Variants in SYNDIG1 observed in about 807,000 individuals in gnomAD.
The protein encoded by SYNDIG1 is synapse differentiation inducing 1, also known as synapse differentiation-inducing gene protein 1.
SYNDIG1 carries 9 observed loss-of-function variants against 19.4 expected under a neutral mutation model. The observed-to-expected ratio is 0.46, with a 90% CI of 0.28 to 0.81. The LOEUF (loss-of-function observed/expected upper bound fraction) is 0.81. Ranked by LOEUF, SYNDIG1 falls within the 30% of genes least tolerant of loss-of-function variation. SYNDIG1 has a pLI of 0.12. For synonymous variants in SYNDIG1, 141 were observed against 145.9 expected (o/e 0.97, Z 0.24); for missense variants, 311 against 343.3 (o/e 0.91, Z 0.74).
At chr20:24,470,212 C>G (rs939163890) in intron 1 of SYNDIG1, among the ~76,000 whole-genome samples, 1 of 152,148 alleles carries the variant, frequency 6.6e-6, no homozygotes, top group Non-Finnish European at 1.5e-5. Flanking sequence ...CGGAGTGACC[C>G]GAAGGAGACC....
intron 1 of SYNDIG1, among the ~76,000 whole-genome samples, chr20:24,483,664 C>G (rs1048461767): frequency 2.0e-5 from 3 of 152,266 alleles, no homozygotes; most frequent in Non-Finnish European, 4.4e-5. Flanking sequence ...GGCTGACCGT[C>G]TTGGCTCTAA....
intron 1 of SYNDIG1, among the ~76,000 whole-genome samples, chr20:24,487,783 C>T (rs1036278489): frequency 1.3e-5 from 2 of 152,184 alleles, no homozygotes; most frequent in African/African-American, 4.8e-5. Flanking sequence ...GGCACTGTGA[C>T]ATTGCCACAG....
At chr20:24,488,297 C>G (rs1423361256) in intron 1 of SYNDIG1, among the ~76,000 whole-genome samples, 3 of 152,250 alleles carry the variant, frequency 2.0e-5, no homozygotes, top group African/African-American at 7.2e-5. Flanking sequence ...ATGCGAGGCA[C>G]TGCATTCACA....
At chr20:24,627,171 G>GAGCGAGAGCGAC (rs2059161541) in intron 3 of SYNDIG1, among the ~76,000 whole-genome samples, 1 of 151,338 alleles carries the variant, frequency 6.6e-6, no homozygotes, top group African/African-American at 2.4e-5. Flanking sequence ...GCGAGAGCGA[G>GAGCGAGAGCGAC]AGCGAGAGCG....
intron 1 of SYNDIG1, among the ~76,000 whole-genome samples, chr20:24,479,862 TCCTGTCA>T (rs1469527905): frequency 8.5e-5 from 13 of 152,238 alleles, no homozygotes; most frequent in African/African-American, 3.1e-4. Flanking sequence ...GGCAAGGCTG[TCCTGTCA>T]GTCCCTGTTC....
At chr20:24,519,302 A>G (rs1318995355) in intron 1 of SYNDIG1, among the ~76,000 whole-genome samples, 2 of 152,212 alleles carry the variant, frequency 1.3e-5, no homozygotes, top group East Asian at 3.8e-4. Flanking sequence ...GTGCTTCCAT[A>G]TTGAAGAAGC....
chr20:24,472,640 GC>G (rs910304096), intron 1 of SYNDIG1, among the ~76,000 whole-genome samples: 9 of 152,236 alleles, frequency 5.9e-5, no homozygotes, highest in African/African-American at 2.2e-4. Flanking sequence ...CACCTGCTCT[GC>G]CCTCTGAAAA....
At chr20:24,522,487 G>A (rs2057026207) in intron 1 of SYNDIG1, among the ~76,000 whole-genome samples, 1 of 152,166 alleles carries the variant, frequency 6.6e-6, no homozygotes, top group African/African-American at 2.4e-5. Flanking sequence ...TTAGAATTTA[G>A]TTCACTTACA....
intron 3 of SYNDIG1, among the ~76,000 whole-genome samples, chr20:24,587,453 GC>G (rs1406609505): frequency 6.6e-6 from 1 of 152,222 alleles, no homozygotes; most frequent in Non-Finnish European, 1.5e-5. Context: ...GAAACAAGCA[GC>G]CCTGCACAGG....
At chr20:24,509,064 T>C (rs2056676734) in intron 1 of SYNDIG1, among the ~76,000 whole-genome samples, 1 of 152,186 alleles carries the variant, frequency 6.6e-6, no homozygotes, top group Non-Finnish European at 1.5e-5. Flanking sequence ...GAGCATTGGT[T>C]TACTGTTTGA....
intron 2 of SYNDIG1, among the ~76,000 whole-genome samples, chr20:24,552,128 G>A (rs2057716931): frequency 1.3e-5 from 2 of 152,236 alleles, no homozygotes; most frequent in South Asian, 2.1e-4. Flanking sequence ...TACTTCATGT[G>A]TTTTGGGGCT....
At chr20:24,567,723 C>T (rs979324340) in intron 2 of SYNDIG1, among the ~76,000 whole-genome samples, 2 of 152,244 alleles carry the variant, frequency 1.3e-5, no homozygotes, top group Non-Finnish European at 2.9e-5. Context: ...TCCCTGAAAA[C>T]TCAGGAGGCT....
intron 3 of SYNDIG1, among the ~76,000 whole-genome samples, chr20:24,649,430 C>G (rs947394652): frequency 3.3e-5 from 5 of 152,162 alleles, no homozygotes; most frequent in African/African-American, 1.2e-4. Context: ...AGTGCTGGAT[C>G]CATTTATAGT....
rs546383579 is a variant in SYNDIG1, at chr20:24,555,983, G to A, written c.480+12406G>A. 1.6e-4 allele frequency among the ~76,000 whole-genome samples: 24 copies of A among 152,242 alleles called. 1 individual carries two copies. In the South Asian group the frequency reaches 5.0e-3, roughly 32 times the overall value. On this transcript the variant is annotated intron_variant, in intron 2 of 3. Coordinates refer to ENST00000376862, the MANE Select transcript of SYNDIG1 (RefSeq NM_024893.3). Reference sequence around the variant, plus strand: ...CTCAGGACTTGCTTTATGAATCTGGGTGCTCCTCTATTGGGTGCATATATA... The same window carrying A: ...CTCAGGACTTGCTTTATGAATCTGGATGCTCCTCTATTGGGTGCATATATA...
chr20:24,618,960 A>C (rs2058994458), intron 3 of SYNDIG1, among the ~76,000 whole-genome samples: 1 of 152,208 alleles, frequency 6.6e-6, no homozygotes, highest in Non-Finnish European at 1.5e-5. Context: ...CAAATAATAT[A>C]GAGGGAGACA....
intron 1 of SYNDIG1, among the ~76,000 whole-genome samples, chr20:24,473,611 G>A (rs2055533383): frequency 6.6e-6 from 1 of 152,082 alleles, no homozygotes; most frequent in Non-Finnish European, 1.5e-5. Flanking sequence ...CGGGGAGTGG[G>A]GGAGGGACGC....
At chr20:24,606,863 G>C (rs547505968) in intron 3 of SYNDIG1, among the ~76,000 whole-genome samples, 2 of 152,354 alleles carry the variant, frequency 1.3e-5, no homozygotes, top group East Asian at 3.9e-4. Context: ...GAAAGTGGAT[G>C]CTGACGAGCA....
intron 1 of SYNDIG1, among the ~76,000 whole-genome samples, chr20:24,529,548 C>G (rs1305920697): frequency 6.6e-6 from 1 of 152,186 alleles, no homozygotes; most frequent in Non-Finnish European, 1.5e-5. Flanking sequence ...TCCAATAAAA[C>G]TTTATTTATG....
intron 1 of SYNDIG1, among the ~76,000 whole-genome samples, chr20:24,518,469 G>A (rs1013654679): frequency 6.6e-6 from 1 of 152,198 alleles, no homozygotes; most frequent in Non-Finnish European, 1.5e-5. Flanking sequence ...GTGGAAACAC[G>A]GTATATGGGC....
Sources: gnomAD v4.1 joint callset for allele counts (sites outside exome capture counted in the v4.1 genomes callset) on GRCh38, gnomAD v4.1.1 for gene constraint, MANE v1.5 for transcripts, NCBI Gene and HGNC (gene_info 2026-07-23, HGNC 2026-07-21) for gene names.